NAALADL2: variants seen among roughly 807,000 people sequenced by gnomAD.
NAALADL2 encodes the protein inactive N-acetylated-alpha-linked acidic dipeptidase-like protein 2.
Under a neutral mutation model 87.2 loss-of-function variants are expected in NAALADL2, and 76 were observed. The ratio of observed to expected loss-of-function variants is 0.87; its 90% CI spans 0.72 to 1.05. NAALADL2 has a LOEUF of 1.05. Ranked by LOEUF, NAALADL2 falls within the 50% of genes least tolerant of loss-of-function variation. The probability of loss-of-function intolerance (pLI) is 0.00; values close to 1 mark genes in which losing one functional copy is unlikely to be tolerated. For synonymous variants in NAALADL2, 354 were observed against 331.0 expected, an observed-to-expected ratio of 1.07 and a Z score of -0.75; for missense variants, 1,089 against 945.8, an observed-to-expected ratio of 1.15 and a Z score of -1.99.
chr3:175,431,077 A>T (rs1717674587), intron 5 of NAALADL2, among the ~76,000 whole-genome samples: 1 of 152,110 alleles, frequency 6.6e-6, no homozygotes, highest in Non-Finnish European at 1.5e-5. Flanking sequence ...CAACTTTAAC[A>T]GCACACTTTC....
rs533508315 is a variant in NAALADL2, at chr3:174,690,940, A to G, written c.-114-46701A>G. ...TGGAAATTATTTCATGTTTCTCATC[A>G]CTGCCCCTTTTCATCAAGACGAATA... On this transcript the variant is annotated intron_variant, in intron 2 of 3. Coordinates refer to the NAALADL2 transcript ENST00000434257. Among the ~76,000 whole-genome samples the G allele has an allele frequency of 6.6e-5, 10 of 152,176 alleles. No homozygotes were observed. In the East Asian group the frequency reaches 1.7e-3, roughly 27 times the overall value.
chr3:175,562,033 A>C (rs1488641287), intron 9 of NAALADL2, among the ~76,000 whole-genome samples: 2 of 152,218 alleles, frequency 1.3e-5, no homozygotes, highest in African/African-American at 4.8e-5. Context: ...AATTCAACAC[A>C]AAGTCTCAGA....
intron 2 of NAALADL2, among the ~76,000 whole-genome samples, chr3:175,213,929 G>A (rs1375948284): frequency 6.6e-6 from 1 of 152,050 alleles, no homozygotes; most frequent in Non-Finnish European, 1.5e-5. Flanking sequence ...TACACCTGTG[G>A]ACTGTAAGAG....
At chr3:174,787,587 A>G (rs1292151110) in intron 3 of NAALADL2, among the ~76,000 whole-genome samples, 1 of 58,944 alleles carries the variant, frequency 1.7e-5, no homozygotes, top group Non-Finnish European at 3.7e-5. Context: ...ATATATATAT[A>G]TATATATATA....
chr3:174,944,018 A>G (rs1473035342), intron 1 of NAALADL2, among the ~76,000 whole-genome samples: 1 of 151,950 alleles, frequency 6.6e-6, no homozygotes, highest in Non-Finnish European at 1.5e-5. Flanking sequence ...AGGAACAGGC[A>G]CCCACCTAAC....
chr3:174,703,297 G>T (rs892287765), intron 2 of NAALADL2, among the ~76,000 whole-genome samples: 5 of 147,218 alleles, frequency 3.4e-5, no homozygotes, highest in Non-Finnish European at 6.0e-5. Flanking sequence ...ATGCTACCAT[G>T]CCTGGCTTTT....
At chr3:175,320,584 C>T (rs1013095511) in intron 4 of NAALADL2, among the ~76,000 whole-genome samples, 4 of 152,160 alleles carry the variant, frequency 2.6e-5, no homozygotes, top group African/African-American at 9.7e-5. Context: ...AGTATTTCAA[C>T]ATTTTAATGA....
At chr3:174,500,851 A>G (rs993743678) in intron 1 of NAALADL2, among the ~76,000 whole-genome samples, 1 of 139,632 alleles carries the variant, frequency 7.2e-6, no homozygotes, top group Non-Finnish European at 1.5e-5. Context: ...TTTGGATTCC[A>G]TTGGATAATT....
intron 2 of NAALADL2, among the ~76,000 whole-genome samples, chr3:174,598,541 C>T (rs1010089978): frequency 2.6e-4 from 39 of 152,074 alleles, no homozygotes; most frequent in African/African-American, 8.4e-4. Flanking sequence ...ATTAGTTCTC[C>T]GAAGTGGTAT....
intron 2 of NAALADL2, among the ~76,000 whole-genome samples, chr3:174,679,666 C>T (rs947375744): frequency 6.6e-6 from 1 of 152,040 alleles, no homozygotes; most frequent in Non-Finnish European, 1.5e-5. Context: ...CTGGAAGGCA[C>T]ACCACCAAAA....
intron 2 of NAALADL2, among the ~76,000 whole-genome samples, chr3:174,572,268 G>A (rs979063389): frequency 6.6e-6 from 1 of 152,098 alleles, no homozygotes; most frequent in African/African-American, 2.4e-5. Flanking sequence ...AGGACAGGAG[G>A]TGCATGCTGC....
In NAALADL2 at chr3:175,471,758, G is replaced by A. The variant is rs560066521; in HGVS notation, c.1653G>A (p.Glu551=). ...CATCTCTTCAGCAACTGGTAGTAGA[G>A]GTAAGACAAACCACTATTGTATCAA... is the stretch of plus-strand genomic sequence containing the variant. ...ASPSLQQLVV[E]KNNFNCTRRA... Residue 551 remains glutamate, a splice_region_variant and synonymous_variant, in exon 9 of 14, where the codon GAG becomes GAA. Coordinates refer to ENST00000454872, the MANE Select transcript of NAALADL2 (RefSeq NM_207015.3). 2.3e-5 allele frequency: 37 copies of A among 1,600,110 alleles called. No homozygotes were observed. The South Asian group carries it at 3.7e-4, about 16-fold the overall frequency.
At chr3:175,311,056 T>C (rs1479540452) in intron 4 of NAALADL2, among the ~76,000 whole-genome samples, 1 of 152,092 alleles carries the variant, frequency 6.6e-6, no homozygotes, top group East Asian at 1.9e-4. Flanking sequence ...TAAAGATGAA[T>C]GCTCTTTATT....
chr3:175,680,795 C>T (rs1457503709), intron 11 of NAALADL2, among the ~76,000 whole-genome samples: 1 of 152,156 alleles, frequency 6.6e-6, no homozygotes, highest in Non-Finnish European at 1.5e-5. Flanking sequence ...ATGTGACATA[C>T]AAGTATCAGT....
At chr3:175,794,485 A>G (rs1753210025) in intron 13 of NAALADL2, among the ~76,000 whole-genome samples, 1 of 152,166 alleles carries the variant, frequency 6.6e-6, no homozygotes, top group Non-Finnish European at 1.5e-5. Flanking sequence ...TTTTTGAATT[A>G]GTAGGAGGTT....
chr3:175,293,036 C>CAAA (rs568981496), intron 4 of NAALADL2, among the ~76,000 whole-genome samples: 2,944 of 49,132 alleles, frequency 0.06, 403 homozygotes, highest in African/African-American at 0.14. Flanking sequence ...GACTCCGTCT[C>CAAA]AAAAAAAAAA....
At chr3:175,174,301 T>C (rs1361310620) in intron 2 of NAALADL2, among the ~76,000 whole-genome samples, 2 of 152,148 alleles carry the variant, frequency 1.3e-5, no homozygotes, top group African/African-American at 4.8e-5. Flanking sequence ...CATTGCCAAC[T>C]AAGCGGCTTT....
rs139873955 is a variant in NAALADL2, at chr3:175,449,548, C to G, written c.1234+2176C>G. ...AGCTGGGACTACAGGTGCCCGCCAC[C>G]AAGCCCGGCTAATTTTTTGTATTTT... On this transcript the variant is annotated intron_variant, in intron 6 of 13. Coordinates refer to ENST00000454872, the MANE Select transcript of NAALADL2 (RefSeq NM_207015.3). 8.2e-3 allele frequency among the ~76,000 whole-genome samples: 1,245 copies of G among 152,036 alleles called. 17 individuals are homozygous for G. The highest frequency in any genetic ancestry group is 0.028 in the African/African-American group (1,181 of 41,484).
At chr3:175,088,205 G>C (rs535621593) in intron 1 of NAALADL2, among the ~76,000 whole-genome samples, 31 of 152,260 alleles carry the variant, frequency 2.0e-4, no homozygotes, top group African/African-American at 7.0e-4. Flanking sequence ...GCCTAACAGT[G>C]TGTAAGCTGA....
Sources: gnomAD v4.1 joint callset for allele counts (sites outside exome capture counted in the v4.1 genomes callset) on GRCh38, gnomAD v4.1.1 for gene constraint, MANE v1.5 for transcripts, NCBI Gene and HGNC (gene_info 2026-07-23, HGNC 2026-07-21) for gene names.